IL1RAPL2: variants seen among roughly 807,000 people sequenced by gnomAD.
The protein encoded by IL1RAPL2 is interleukin 1 receptor accessory protein like 2, also known as X-linked interleukin-1 receptor accessory protein-like 2.
Under a neutral mutation model 44.1 loss-of-function variants are expected in IL1RAPL2, and 3 were observed. That is an observed-to-expected ratio of 0.07 (90% CI 0.03 to 0.18). The LOEUF is 0.18. Among genes scored for constraint, IL1RAPL2 ranks in the 10% least tolerant of loss-of-function variants. The pLI, the probability that IL1RAPL2 is intolerant of heterozygous loss-of-function variation, is 1.00. For synonymous variants in IL1RAPL2, 181 were observed against 178.8 expected (o/e 1.01, Z -0.10); for missense variants, 391 against 496.4 (o/e 0.79, Z 2.02).
At chrX:104,966,040 G>C (rs1415013969) in intron 2 of IL1RAPL2, among the ~76,000 whole-genome samples, 1 of 111,477 alleles carries the variant, frequency 9.0e-6, no homozygotes, top group Non-Finnish European at 1.9e-5. Flanking sequence ...CATAGCTTCA[G>C]AGTCAGGATG....
chrX:105,024,683 A>C (rs764773299), intron 2 of IL1RAPL2, among the ~76,000 whole-genome samples: 1 of 111,683 alleles, frequency 9.0e-6, no homozygotes, highest in South Asian at 3.7e-4. Flanking sequence ...AGGAATTGTT[A>C]CCAATAACTG....
At chrX:105,634,534 A>C (rs1414929999) in intron 6 of IL1RAPL2, among the ~76,000 whole-genome samples, 1 of 111,974 alleles carries the variant, frequency 8.9e-6, no homozygotes, top group African/African-American at 3.2e-5. Flanking sequence ...ATAGGATTTG[A>C]TGTACTTAAA....
intron 6 of IL1RAPL2, among the ~76,000 whole-genome samples, chrX:105,573,692 T>A (rs1241479607): frequency 2.7e-5 from 3 of 110,185 alleles, no homozygotes; most frequent in African/African-American, 9.9e-5. Context: ...GGGGGAAAAA[T>A]TTTAGGGAAA....
intron 2 of IL1RAPL2, among the ~76,000 whole-genome samples, chrX:104,909,936 G>C (rs1044337131): frequency 8.9e-6 from 1 of 112,226 alleles, no homozygotes; most frequent in African/African-American, 3.2e-5. Flanking sequence ...GTAATGGTGG[G>C]CGCCCCTCCG....
At chrX:105,488,629 T>A (rs2147777649) in intron 6 of IL1RAPL2, among the ~76,000 whole-genome samples, 1 of 112,444 alleles carries the variant, frequency 8.9e-6, no homozygotes, top group African/African-American at 3.2e-5. Flanking sequence ...TTATTAATTT[T>A]ATTTTTCCCA....
chrX:104,928,482 G>T, intron 2 of IL1RAPL2, among the ~76,000 whole-genome samples: 1 of 111,397 alleles, frequency 9.0e-6, no homozygotes, highest in Admixed American at 9.6e-5. Context: ...CTCATGCTGT[G>T]GGAGCCATGT....
rs139734447 is a variant in IL1RAPL2, at chrX:104,777,941, T to C, written c.82+118946T>C. Among the ~76,000 whole-genome samples the C allele has an allele frequency of 1.7e-4, 19 of 111,163 alleles. No homozygotes were observed. In the East Asian group the frequency reaches 5.4e-3, roughly 31 times the overall value. ...CTTTTAATATTTTGAGAAACCACCA[T>C]ACTATTTTCTATAGCAGCTGTACCA... On this transcript the variant is annotated intron_variant, in intron 2 of 10. Transcript: ENST00000372582.
At chrX:105,627,868 C>T (rs1470507852) in intron 6 of IL1RAPL2, among the ~76,000 whole-genome samples, 1 of 112,093 alleles carries the variant, frequency 8.9e-6, no homozygotes, top group Non-Finnish European at 1.9e-5. Context: ...ACAAAGTCAG[C>T]TTTCTTTGGC....
chrX:104,802,029 C>T (rs904349804), intron 2 of IL1RAPL2, among the ~76,000 whole-genome samples: 1 of 111,086 alleles, frequency 9.0e-6, no homozygotes, highest in Non-Finnish European at 1.9e-5. Flanking sequence ...TTAACATCAG[C>T]CTAAGGAAAA....
chrX:105,067,812 C>T (rs1392713511), intron 2 of IL1RAPL2, among the ~76,000 whole-genome samples: 1 of 104,756 alleles, frequency 9.5e-6, no homozygotes, highest in Non-Finnish European at 1.9e-5. Context: ...TGCATGCACA[C>T]ACACACATAC....
Position 105,766,991 on chromosome X carries a change from T to C in IL1RAPL2, c.1391T>C (p.Val464Ala), listed in dbSNP as rs766298516. 3.3e-6 allele frequency: 4 copies of C among 1,203,667 alleles called. No individual in the cohort carries two copies. The highest frequency in any genetic ancestry group is 2.2e-5 in the Admixed American group (1 of 45,422). The change falls in exon 11 of 11, where the codon GTT becomes GCT. Residue 464 changes from valine to alanine, a missense_variant. Around this residue, in one of 2 missense-constraint regions of IL1RAPL2, gnomAD observed 232 missense variants for 244.8 expected, o/e 0.95. Transcript: ENST00000372582. ...GTYMEDLTRY[V>A]EQSRRLIIVL... ...TACATGGAAGATCTCACAAGATATGTTGAACAAAGCAGAAGACTTATTATC... is the reference window on the plus strand; with the variant it reads ...TACATGGAAGATCTCACAAGATATGCTGAACAAAGCAGAAGACTTATTATC...
chrX:104,618,271 C>CCTCAGGCAATGGGTTGA (rs1326349591), intron 1 of IL1RAPL2, among the ~76,000 whole-genome samples: 1 of 112,167 alleles, frequency 8.9e-6, no homozygotes, highest in African/African-American at 3.2e-5. Flanking sequence ...CTCTCTGTTG[C>CCTCAGGCAATGGGTTGA]CTCAGGCAAT....
At chrX:105,127,853 T>A (rs1276040349) in intron 2 of IL1RAPL2, among the ~76,000 whole-genome samples, 6 of 110,603 alleles carry the variant, frequency 5.4e-5, no homozygotes, top group Non-Finnish European at 9.5e-5. Context: ...ATGAAAAAAA[T>A]TTTTATTGAG....
rs1346197039 is a variant in IL1RAPL2, at chrX:104,636,204, G to A, written c.-19-22691G>A. Among the ~76,000 whole-genome samples, 3 of 111,786 alleles carry A rather than the reference G, an allele frequency of 2.7e-5. No individual in the cohort carries two copies. In the Admixed American group the frequency reaches 2.8e-4, roughly 11 times the overall value. Reference sequence around the variant, plus strand: ...TTGCTGCCTGGTCGTTCCTCTGGAAGTTTTGTCTCAGAGGAGTACCCGGGC... The same window carrying A: ...TTGCTGCCTGGTCGTTCCTCTGGAAATTTTGTCTCAGAGGAGTACCCGGGC... On this transcript the variant is annotated intron_variant, in intron 1 of 10. Transcript: ENST00000372582.
intron 2 of IL1RAPL2, among the ~76,000 whole-genome samples, chrX:104,845,588 G>A (rs1233012060): frequency 8.9e-6 from 1 of 111,930 alleles, no homozygotes; most frequent in Non-Finnish European, 1.9e-5. Flanking sequence ...GGCAGCTTCT[G>A]GGCAGATTGT....
rs757476206 is a variant in IL1RAPL2 at position 105,375,495 on chromosome X, A to C, written c.697+107954A>C. Among the ~76,000 whole-genome samples, 5 of 112,044 alleles carry C rather than the reference A, an allele frequency of 4.5e-5. No individual in the cohort carries two copies. In the South Asian group the frequency reaches 1.9e-3, roughly 42 times the overall value. On this transcript the variant is annotated intron_variant, in intron 5 of 10. Coordinates refer to ENST00000372582, the MANE Select transcript of IL1RAPL2 (RefSeq NM_017416.2). The stretch of plus-strand genomic sequence containing the variant: ...CACTGCACTCCAGCATGGGCGACAG[A>C]GCGAGACCTGTCTCAAAAACAAACA...
At chrX:104,662,520 A>G (rs985888324) in intron 2 of IL1RAPL2, among the ~76,000 whole-genome samples, 1 of 111,449 alleles carries the variant, frequency 9.0e-6, no homozygotes, top group African/African-American at 3.3e-5. Flanking sequence ...GTCATTCTTT[A>G]TGTCAGGAAA....
chrX:105,626,300 A>G (rs1683525845), intron 6 of IL1RAPL2, among the ~76,000 whole-genome samples: 2 of 111,558 alleles, frequency 1.8e-5, no homozygotes, highest in Admixed American at 1.9e-4. Flanking sequence ...GCTGATGGGG[A>G]GTGAGAAATG....
At chrX:105,729,257 C>A (rs2038379709) in intron 7 of IL1RAPL2, among the ~76,000 whole-genome samples, 1 of 111,251 alleles carries the variant, frequency 9.0e-6, no homozygotes, top group African/African-American at 3.3e-5. Flanking sequence ...CAATGTTTAG[C>A]TTTTTAAGTA....
Sources: gnomAD v4.1 joint callset for allele counts (sites outside exome capture counted in the v4.1 genomes callset) on GRCh38, gnomAD v4.1.1 for gene constraint, gnomAD v4.1.1 regional missense constraint, MANE v1.5 for transcripts, NCBI Gene and HGNC (gene_info 2026-07-23, HGNC 2026-07-21) for gene names.